The following KIAA2013 variants were observed in gnomAD, a reference collection of about 807,000 sequenced individuals.
KIAA2013 encodes uncharacterized protein KIAA2013.
In KIAA2013, 20 loss-of-function variants were observed where a neutral mutation model predicts 39.9. That is an observed-to-expected ratio of 0.50 (90% CI 0.35 to 0.73). The LOEUF is 0.73. Ranked by LOEUF, KIAA2013 falls within the 30% of genes least tolerant of loss-of-function variation. The pLI, the probability that KIAA2013 is intolerant of heterozygous loss-of-function variation, is 0.01. For synonymous variants in KIAA2013, 336 were observed against 416.6 expected (o/e 0.81, Z 2.35); for missense variants, 587 against 856.1 (o/e 0.69, Z 3.92).
At position 11,926,011 on chromosome 1, in the gene KIAA2013, A is replaced by G; in HGVS notation, c.227T>C (p.Leu76Pro). The G allele has an allele frequency of 2.7e-6, 4 of 1,504,288 alleles. No homozygotes were observed. Among genetic ancestry groups the G allele is most frequent in the Non-Finnish European group, 3.5e-6 (4 of 1,133,394 alleles). 93.2% of individuals were successfully genotyped at this position (1,504,288 alleles called of 1,614,324 possible). A position where few individuals can be genotyped will look rare whatever the true frequency, so the allele number is the denominator to read the frequency against. The part of the protein sequence containing the change: ...LEAATRAWRG[L>P]RERGEVVPLG... ...CGGTACCACCTCACCGCGCTCCCGC[A>G]GGCCGCGCCAGGCGCGGGTGGCCGC... Residue 76 changes from leucine (L) to proline (P), a missense_variant, in exon 1 of 3, where the codon CTG becomes CCG. By Grantham distance (98) the Leu-to-Pro change is moderately conservative. Coordinates refer to ENST00000376572, the MANE Select transcript of KIAA2013 (RefSeq NM_138346.3).
rs772110592 is a variant in KIAA2013, at chr1:11,925,159, TG to T, written c.1033+45del. The T allele has an allele frequency of 2.8e-5, 42 of 1,501,442 alleles. No individual in the cohort carries two copies. Among genetic ancestry groups the T allele is most frequent in the Non-Finnish European group, 3.7e-5 (42 of 1,120,298 alleles). The allele number at this position is 1,501,442 out of a possible 1,614,324, so 93.0% of individuals were successfully genotyped here. ...ACCTTCAGTGTCACCTCTGCAGACTTGGGAGGGACATATCTAGGGTGGACCA... is the reference window on the plus strand; with the variant it reads ...ACCTTCAGTGTCACCTCTGCAGACTTGGAGGGACATATCTAGGGTGGACCA... On this transcript the variant is annotated intron_variant, in intron 1 of 2. Coordinates refer to ENST00000376572, the MANE Select transcript of KIAA2013 (RefSeq NM_138346.3). The surrounding 1 kb of genome is among the most constrained non-coding windows in gnomAD (Gnocchi z 5.2).
Position 11,923,035 on chromosome 1 carries a change from G to T in KIAA2013, c.1488C>A (p.Ala496=), listed in dbSNP as rs766704807. 17 of 1,611,146 alleles carry T rather than the reference G, an allele frequency of 1.1e-5. No homozygotes were observed. The highest frequency in any genetic ancestry group is 1.6e-4 in the Middle Eastern group (1 of 6,070). ...IRYKNDHINL[A]VLADAEGKPY... is the part of the protein sequence containing the mutation. ...GCTTGCCCTCGGCATCCGCCAGCACGGCCAGGTTGATATGGTCGTTCTTGT... is the reference window on the plus strand; with the variant it reads ...GCTTGCCCTCGGCATCCGCCAGCACTGCCAGGTTGATATGGTCGTTCTTGT... The change falls in exon 2 of 3, where the codon GCC becomes GCA. Residue 496 remains alanine, a synonymous_variant. Transcript: ENST00000376572. This position sits in a 1 kb window ranked among gnomAD's most constrained non-coding sequence, Gnocchi z 4.6.
rs754974122 is a variant in KIAA2013, at chr1:11,925,449, C to A, written c.789G>T (p.Val263=). The change falls in exon 1 of 3, where the codon GTG becomes GTT. Residue 263 remains valine, a synonymous_variant. Transcript: ENST00000376572. This position sits in a 1 kb window ranked among gnomAD's most constrained non-coding sequence, Gnocchi z 5.2. The stretch of plus-strand genomic sequence containing the variant: ...GGTTCACCAGCTTCTTGGCGGCCAC[C>A]ACCACCAGGTGCACCAACCCAGTGG... ...PTPTGLVHLV[V]VAAKKLVNRL... 76 of 1,611,250 alleles carry A rather than the reference C, an allele frequency of 4.7e-5. No individual in the cohort carries two copies. Among genetic ancestry groups the A allele is most frequent in the Non-Finnish European group, 6.4e-5 (76 of 1,178,738 alleles).
In KIAA2013 at chr1:11,923,687, C is replaced by G. The variant is rs1311677410; in HGVS notation, c.1034-198G>C. ...CAACTTGAGCCTGTGGGCCTGAAAT[C>G]TAGAATCCTGTTAAAAAGCAGCGGG... On this transcript the variant is annotated intron_variant, in intron 1 of 2. Transcript: ENST00000376572. The surrounding 1 kb of genome is among the most constrained non-coding windows in gnomAD (Gnocchi z 4.6). Among the ~76,000 whole-genome samples, 1 of 152,174 alleles carries G rather than the reference C, an allele frequency of 6.6e-6. No homozygotes were observed. The highest frequency in any genetic ancestry group is 1.5e-5 in the Non-Finnish European group (1 of 68,034).
Position 11,926,017 on chromosome 1 carries a change from C to T in KIAA2013, c.221G>A (p.Arg74His), listed in dbSNP as rs761678536. Reference protein sequence around the residue: ...ACLEAATRAWRGLRERGEVVP... With the variant: ...ACLEAATRAWHGLRERGEVVP... Reference sequence around the variant, plus strand: ...CACCTCACCGCGCTCCCGCAGGCCGCGCCAGGCGCGGGTGGCCGCCTCCAG... The same window carrying T: ...CACCTCACCGCGCTCCCGCAGGCCGTGCCAGGCGCGGGTGGCCGCCTCCAG... The change falls in exon 1 of 3, where the codon CGC becomes CAC. Residue 74 changes from arginine (R) to histidine (H), a missense_variant. Arg to His is a conservative substitution (Grantham distance 29). Transcript: ENST00000376572. 6.0e-6 allele frequency: 9 copies of T among 1,502,306 alleles called. No homozygotes were observed. The East Asian group carries it at 2.2e-4, about 37-fold the overall frequency. 93.1% of individuals were successfully genotyped at this position (1,502,306 alleles called of 1,614,324 possible).
chr1:11,922,294 A>G (rs1569633486), intron 2 of KIAA2013: 1 of 1,306,452 alleles, frequency 7.7e-7, no homozygotes, highest in East Asian at 2.7e-5. Flanking sequence ...GGCTCAAGGG[A>G]TTCTCCCATC....
chr1:11,922,484 TTG>T, intron 2 of KIAA2013, 150 bp downstream of exon 2: 1 of 1,500,772 alleles, frequency 6.7e-7, no homozygotes, highest in Non-Finnish European at 8.9e-7. Flanking sequence ...CTCAAAACAC[TTG>T]TGCGCGCTCT....
rs1487106114 is a variant in KIAA2013, at chr1:11,923,520, G to A, written c.1034-31C>T. On this transcript the variant is annotated intron_variant, in intron 1 of 2. Transcript: ENST00000376572. The surrounding 1 kb of genome is among the most constrained non-coding windows in gnomAD (Gnocchi z 4.6). ...ACACCATGAAAGCGGCATGTTAAGG[G>A]GGAAGGACAGCTGGGAGGCAGAGCA... 6.3e-7 allele frequency: 1 copy of A among 1,598,554 alleles called. No individual in the cohort carries two copies. Among genetic ancestry groups the A allele is most frequent in the Admixed American group, 1.7e-5 (1 of 59,800 alleles).
In KIAA2013 at chr1:11,923,021, G is replaced by C. The variant is rs1569634931; in HGVS notation, c.1502C>G (p.Ala501Gly). ...CACGTGTAGGTAGGGCTTGCCCTCG[G>C]CATCCGCCAGCACGGCCAGGTTGAT... ...DHINLAVLAD[A>G]EGKPYLHVSV... is the part of the protein sequence containing the mutation. Residue 501 changes from alanine (A) to glycine (G), a missense_variant, in exon 2 of 3, where the codon GCC becomes GGC. Ala to Gly is a moderately conservative substitution (Grantham distance 60). Coordinates refer to ENST00000376572, the MANE Select transcript of KIAA2013 (RefSeq NM_138346.3). The surrounding 1 kb of genome is among the most constrained non-coding windows in gnomAD (Gnocchi z 4.6). 3 of 1,610,946 alleles carry C rather than the reference G, an allele frequency of 1.9e-6. No homozygotes were observed. Among genetic ancestry groups the C allele is most frequent in the Non-Finnish European group, 2.5e-6 (3 of 1,177,402 alleles).
intron 2 of KIAA2013, among the ~76,000 whole-genome samples, chr1:11,921,700 C>T (rs1645475760): frequency 6.6e-6 from 1 of 152,030 alleles, no homozygotes; most frequent in African/African-American, 2.4e-5. Context: ...CAGGCATGCA[C>T]CACCATGCCC....
chr1:11,922,661 C>G lies in KIAA2013; in HGVS notation c.1862G>C (p.Gly621Ala). 2 of 1,613,602 alleles carry G rather than the reference C, an allele frequency of 1.2e-6. No homozygotes were observed. Among genetic ancestry groups the G allele is most frequent in the Non-Finnish European group, 1.7e-6 (2 of 1,179,846 alleles). Residue 621 changes from glycine (G) to alanine (A), a missense_variant, in exon 2 of 3, where the codon GGA (glycine) becomes GCA (alanine). Physicochemically the swap from Gly to Ala is moderately conservative, Grantham distance 60 (BLOSUM62 0). Transcript: ENST00000376572. ...KLIYNEYCGP[G>A]AKPLFRSKED... is the part of the protein sequence containing the mutation. Reference sequence around the variant, plus strand: ...CTTACTCCTGAAGAGGGGCTTGGCTCCAGGCCCACAGTACTCGTTGTAGAT... The same window carrying G: ...CTTACTCCTGAAGAGGGGCTTGGCTGCAGGCCCACAGTACTCGTTGTAGAT...
rs769251819 is a variant in KIAA2013 at position 11,925,461 on chromosome 1, C to A, written c.777G>T (p.Val259=). Residue 259 remains valine (V), a synonymous_variant, in exon 1 of 3, where the codon GTG becomes GTT. Coordinates refer to ENST00000376572, the MANE Select transcript of KIAA2013 (RefSeq NM_138346.3). The surrounding 1 kb of genome is among the most constrained non-coding windows in gnomAD (Gnocchi z 5.2). ...GRSPPTPTGL[V]HLVVVAAKKL... ...TCTTGGCGGCCACCACCACCAGGTG[C>A]ACCAACCCAGTGGGCGTAGGCGGGG... The A allele has an allele frequency of 2.5e-6, 4 of 1,610,458 alleles. No homozygotes were observed. Among genetic ancestry groups the A allele is most frequent in the Non-Finnish European group, 2.5e-6 (3 of 1,178,150 alleles).
chr1:11,926,024 C>A lies in KIAA2013; in HGVS notation c.214G>T (p.Ala72Ser), dbSNP rs1645505274. ...PSACLEAATRAWRGLRERGEV... is the reference protein window; with the variant it reads ...PSACLEAATRSWRGLRERGEV... Reference sequence around the variant, plus strand: ...CCGCGCTCCCGCAGGCCGCGCCAGGCGCGGGTGGCCGCCTCCAGGCAGGCA... The same window carrying A: ...CCGCGCTCCCGCAGGCCGCGCCAGGAGCGGGTGGCCGCCTCCAGGCAGGCA... The change falls in exon 1 of 3, where the codon GCC becomes TCC. Residue 72 changes from alanine (A) to serine (S), a missense_variant. Coordinates refer to ENST00000376572, the MANE Select transcript of KIAA2013 (RefSeq NM_138346.3). 1.3e-6 allele frequency: 2 copies of A among 1,499,168 alleles called. No homozygotes were observed. The highest frequency in any genetic ancestry group is 2.8e-5 in the East Asian group (1 of 36,014). 92.9% of individuals were successfully genotyped at this position (1,499,168 alleles called of 1,614,324 possible).
chr1:11,926,124 G>A lies in KIAA2013; in HGVS notation c.114C>T (p.Ser38=). 7.1e-7 allele frequency: 1 copy of A among 1,405,896 alleles called. No homozygotes were observed. The highest frequency in any genetic ancestry group is 9.3e-7 in the Non-Finnish European group (1 of 1,074,488). The allele number at this position is 1,405,896 out of a possible 1,614,324, so 87.1% of individuals were successfully genotyped here. Residue 38 remains serine, a synonymous_variant, in exon 1 of 3, where the codon TCC becomes TCT. Coordinates refer to ENST00000376572, the MANE Select transcript of KIAA2013 (RefSeq NM_138346.3). The stretch of plus-strand genomic sequence containing the variant: ...GGCCGCCCGCCGCCCGCCGCGCGCC[G>A]GACCCCCCAAACCACAGAAGCAGCA... ...LLLLLLWFGG[S]GARRAAGGLH...
intron 1 of KIAA2013, among the ~76,000 whole-genome samples, chr1:11,924,966 A>G (rs1645497165): frequency 6.6e-6 from 1 of 152,166 alleles, no homozygotes; most frequent in Non-Finnish European, 1.5e-5. Context: ...TTTACACTCA[A>G]TTGTCCACTA....
Position 11,925,876 on chromosome 1 carries a change from T to G in KIAA2013, c.362A>C (p.Asp121Ala). 5 of 1,529,976 alleles carry G rather than the reference T, an allele frequency of 3.3e-6. No individual in the cohort carries two copies. The highest frequency in any genetic ancestry group is 4.4e-6 in the Non-Finnish European group (5 of 1,145,338). 94.8% of individuals were successfully genotyped at this position (1,529,976 alleles called of 1,614,324 possible). Residue 121 changes from aspartate to alanine, a missense_variant, in exon 1 of 3, where the codon GAC becomes GCC. Coordinates refer to ENST00000376572, the MANE Select transcript of KIAA2013 (RefSeq NM_138346.3). The surrounding 1 kb of genome is among the most constrained non-coding windows in gnomAD (Gnocchi z 5.2). Reference sequence around the variant, plus strand: ...GCGCAGCTGCACGAAGGGCACAAAGTCCGGCGCCACGGCGGGCTCCCGCTC... The same window carrying G: ...GCGCAGCTGCACGAAGGGCACAAAGGCCGGCGCCACGGCGGGCTCCCGCTC... ...PGEREPAVAP[D>A]FVPFVQLRPL...
At position 11,925,133 on chromosome 1, in the gene KIAA2013, C is replaced by CA; in HGVS notation, c.1033+71dup. ...GCCCAAGTTTCAACCACCCCACCATCACCTTCAGTGTCACCTCTGCAGACT... is the reference window on the plus strand; with the variant it reads ...GCCCAAGTTTCAACCACCCCACCATCAACCTTCAGTGTCACCTCTGCAGACT... On this transcript the variant is annotated intron_variant, in intron 1 of 2. Coordinates refer to ENST00000376572, the MANE Select transcript of KIAA2013 (RefSeq NM_138346.3). This position sits in a 1 kb window ranked among gnomAD's most constrained non-coding sequence, Gnocchi z 5.2. The CA allele has an allele frequency of 7.2e-7, 1 of 1,396,050 alleles. No individual in the cohort carries two copies. The highest frequency in any genetic ancestry group is 9.7e-7 in the Non-Finnish European group (1 of 1,035,158). 86.5% of individuals were successfully genotyped at this position (1,396,050 alleles called of 1,614,324 possible). A position where few individuals can be genotyped will look rare whatever the true frequency, so the allele number is the denominator to read the frequency against.
chr1:11,925,169 A>G lies in KIAA2013; in HGVS notation c.1033+36T>C. On this transcript the variant is annotated intron_variant, in intron 1 of 2. Coordinates refer to ENST00000376572, the MANE Select transcript of KIAA2013 (RefSeq NM_138346.3). The surrounding 1 kb of genome is among the most constrained non-coding windows in gnomAD (Gnocchi z 5.2). ...TCACCTCTGCAGACTTGGGAGGGACATATCTAGGGTGGACCAAGCGCTGGC... is the reference window on the plus strand; with the variant it reads ...TCACCTCTGCAGACTTGGGAGGGACGTATCTAGGGTGGACCAAGCGCTGGC... The G allele has an allele frequency of 3.3e-6, 5 of 1,516,660 alleles. No individual in the cohort carries two copies. The South Asian group carries it at 6.6e-5, about 20-fold the overall frequency. 94.0% of individuals were successfully genotyped at this position (1,516,660 alleles called of 1,614,324 possible).
Position 11,922,265 on chromosome 1 carries a change from C to T in KIAA2013, c.1887+371G>A. On this transcript the variant is annotated intron_variant, in intron 2 of 2. Coordinates refer to ENST00000376572, the MANE Select transcript of KIAA2013 (RefSeq NM_138346.3). ...AGTGCAATGACACAATCATAGTTCA[C>T]TGCAGCCTCAAACTCCTGGGCTCAA... 3.0e-6 allele frequency: 3 copies of T among 993,832 alleles called. 1 individual carries two copies. Among genetic ancestry groups the T allele is most frequent in the Non-Finnish European group, 4.1e-6 (3 of 736,896 alleles). The allele number at this position is 993,832 out of a possible 1,614,324, so 61.6% of individuals were successfully genotyped here. A position where few individuals can be genotyped will look rare whatever the true frequency, so the allele number is the denominator to read the frequency against.
Sources: allele counts gnomAD v4.1 joint callset (sites outside exome capture counted in the v4.1 genomes callset), GRCh38; gene constraint gnomAD v4.1.1; non-coding constraint Gnocchi (gnomAD v3.1); transcripts MANE v1.5; gene names NCBI Gene and HGNC (gene_info 2026-07-23, HGNC 2026-07-21).